Variants in SYN2 observed in about 807,000 individuals in gnomAD.
The protein encoded by SYN2 is synapsin-2.
In SYN2, 19 loss-of-function variants were observed where a neutral mutation model predicts 50.9. The observed-to-expected ratio is 0.37, with a 90% CI of 0.26 to 0.55. The LOEUF is 0.55. Among genes scored for constraint, SYN2 ranks in the 20% least tolerant of loss-of-function variants. The pLI, the probability that SYN2 is intolerant of heterozygous loss-of-function variation, is 0.81. For missense variants in SYN2, 587 were observed against 576.4 expected (o/e 1.02, Z -0.19); for synonymous variants, 255 against 224.9 (o/e 1.13, Z -1.20).
chr3:12,161,458 C>CAA, intron 5 of SYN2, 88 bp from the exon 6 acceptor site: 1 of 1,468,090 alleles, frequency 6.8e-7, no homozygotes, highest in South Asian at 1.2e-5. Context: ...AGAACCCTCC[C>CAA]AAGGGTATTC....
At chr3:12,116,603 T>G (rs966606298) in intron 1 of SYN2, among the ~76,000 whole-genome samples, 8 of 152,188 alleles carry the variant, frequency 5.3e-5, no homozygotes, top group African/African-American at 1.9e-4. Context: ...TTTATGTGTT[T>G]TGTGGAGAAC....
At chr3:12,153,339 G>A (rs1429747033) in intron 5 of SYN2, 7 of 694,792 alleles carry the variant, frequency 1.0e-5, no homozygotes, top group Middle Eastern at 4.0e-4. Flanking sequence ...CAGGCTGAGG[G>A]CAGGGCAGAA....
At chr3:12,106,733 TTATA>T (rs1415613953) in intron 1 of SYN2, among the ~76,000 whole-genome samples, 9 of 152,278 alleles carry the variant, frequency 5.9e-5, no homozygotes, top group African/African-American at 2.2e-4. Context: ...GAAAGAATAA[TTATA>T]TAATTCAGGG....
intron 1 of SYN2, among the ~76,000 whole-genome samples, chr3:12,029,438 A>G (rs1210735126): frequency 1.6e-5 from 2 of 125,538 alleles, no homozygotes; most frequent in Non-Finnish European, 3.1e-5. Flanking sequence ...CTTGATGGGG[A>G]TGGCATTGAA....
chr3:12,107,639 C>G (rs1696223271), intron 1 of SYN2, among the ~76,000 whole-genome samples: 1 of 152,058 alleles, frequency 6.6e-6, no homozygotes, highest in African/African-American at 2.4e-5. Context: ...TGCGGTGGCT[C>G]ACGCCTGTAA....
intron 1 of SYN2, among the ~76,000 whole-genome samples, chr3:12,018,515 A>G (rs1011765366): frequency 1.3e-5 from 2 of 152,292 alleles, no homozygotes; most frequent in African/African-American, 4.8e-5. Flanking sequence ...ACCATTTAAT[A>G]GACTTGTTTT....
intron 5 of SYN2, among the ~76,000 whole-genome samples, chr3:12,151,919 A>G (rs1362031948): frequency 2.0e-5 from 3 of 152,206 alleles, no homozygotes; most frequent in African/African-American, 7.2e-5. Flanking sequence ...CAGAAGGAGC[A>G]GAGAGATGGG....
intron 1 of SYN2, among the ~76,000 whole-genome samples, chr3:12,101,227 A>C (rs1397282900): frequency 6.6e-6 from 1 of 152,212 alleles, no homozygotes; most frequent in East Asian, 1.9e-4. Context: ...AAGTGGAACA[A>C]ACCCAAGTGT....
At chr3:12,114,854 G>A (rs1018442952) in intron 1 of SYN2, among the ~76,000 whole-genome samples, 1 of 152,114 alleles carries the variant, frequency 6.6e-6, no homozygotes, top group Admixed American at 6.6e-5. Flanking sequence ...CAAGGAGAAC[G>A]TAGCAGTGCA....
chr3:12,004,532 C>A lies in SYN2; in HGVS notation c.-20C>A. 1 of 608,876 alleles carries A rather than the reference C, an allele frequency of 1.6e-6. No homozygotes were observed. The highest frequency in any genetic ancestry group is 3.1e-6 in the Non-Finnish European group (1 of 327,256). The allele number at this position is 608,876 out of a possible 1,614,324, so 37.7% of individuals were successfully genotyped here. A position where few individuals can be genotyped will look rare whatever the true frequency, so the allele number is the denominator to read the frequency against. ...CCACCAGACCCCGTAGCCCCGCGCG[C>A]CCCCAGCCCTTTAAGCCAGATGATG... On this transcript the variant is annotated 5_prime_UTR_variant, in exon 1 of 13. Coordinates refer to ENST00000621198, the MANE Select transcript of SYN2 (RefSeq NM_133625.6).
chr3:12,050,026 A>G (rs1202073582), intron 1 of SYN2, among the ~76,000 whole-genome samples: 1 of 152,146 alleles, frequency 6.6e-6, no homozygotes, highest in Non-Finnish European at 1.5e-5. Context: ...CAGCGTCCCA[A>G]GTAGCTGGGA....
At chr3:12,028,238 G>A (rs545551334) in intron 1 of SYN2, among the ~76,000 whole-genome samples, 1 of 151,982 alleles carries the variant, frequency 6.6e-6, no homozygotes, top group South Asian at 2.1e-4. Context: ...GTATTCCATG[G>A]TGTATATGTG....
At chr3:12,042,282 A>G (rs1238340844) in intron 1 of SYN2, among the ~76,000 whole-genome samples, 1 of 152,118 alleles carries the variant, frequency 6.6e-6, no homozygotes, top group Non-Finnish European at 1.5e-5. Flanking sequence ...TTCTCCCCCA[A>G]ATTTTGTGAT....
intron 3 of SYN2, among the ~76,000 whole-genome samples, chr3:12,145,387 T>C (rs1425671249): frequency 6.6e-6 from 1 of 152,044 alleles, no homozygotes; most frequent in African/African-American, 2.4e-5. Context: ...ACATAAAGAA[T>C]TAGCTGGGCA....
At chr3:12,172,339 T>G (rs1697955133) in intron 10 of SYN2, among the ~76,000 whole-genome samples, 1 of 152,162 alleles carries the variant, frequency 6.6e-6, no homozygotes, top group Admixed American at 6.6e-5. Flanking sequence ...AGACCCTCAC[T>G]CCTAACATCA....
intron 1 of SYN2, chr3:12,070,568 C>T: frequency 8.0e-7 from 1 of 1,247,524 alleles, no homozygotes. Context: ...CCCTTGTGAA[C>T]CCCAAGGCCA....
intron 4 of SYN2, among the ~76,000 whole-genome samples, chr3:12,146,057 C>G (rs1466885431): frequency 6.6e-6 from 1 of 152,212 alleles, no homozygotes; most frequent in East Asian, 1.9e-4. Context: ...CAGAATAGCA[C>G]AGCATCACCT....
At chr3:12,034,934 A>G (rs748538960) in intron 1 of SYN2, among the ~76,000 whole-genome samples, 3 of 152,172 alleles carry the variant, frequency 2.0e-5, no homozygotes, top group Non-Finnish European at 4.4e-5. Flanking sequence ...CCAAAGCCCA[A>G]AGTCTCATCT....
At chr3:12,117,622 C>T (rs906449020) in intron 1 of SYN2, among the ~76,000 whole-genome samples, 3 of 152,192 alleles carry the variant, frequency 2.0e-5, no homozygotes, top group Non-Finnish European at 2.9e-5. Context: ...GGAACTGGAA[C>T]CAACAGCATT....
Sources: allele counts gnomAD v4.1 joint callset (sites outside exome capture counted in the v4.1 genomes callset), GRCh38; gene constraint gnomAD v4.1.1; transcripts MANE v1.5; gene names NCBI Gene and HGNC (gene_info 2026-07-23, HGNC 2026-07-21).